Variants in NEK5 observed in about 807,000 individuals in gnomAD.
NEK5 encodes the protein serine/threonine-protein kinase Nek5.
Under a neutral mutation model 109.2 loss-of-function variants are expected in NEK5, and 88 were observed. The observed-to-expected ratio is 0.81, with a 90% CI of 0.68 to 0.96. NEK5 has a LOEUF of 0.96. Ranked by LOEUF, NEK5 falls within the 40% of genes least tolerant of loss-of-function variation. The probability of loss-of-function intolerance (pLI) is 0.00; values close to 1 mark genes in which losing one functional copy is unlikely to be tolerated. For synonymous variants in NEK5, 283 were observed against 299.9 expected, an observed-to-expected ratio of 0.94 and a Z score of 0.58; for missense variants, 834 against 920.7, an observed-to-expected ratio of 0.91 and a Z score of 1.22.
intron 23 of NEK5, among the ~76,000 whole-genome samples, chr13:52,047,109 G>T (rs745368097): frequency 3.9e-5 from 6 of 152,072 alleles, no homozygotes; most frequent in Non-Finnish European, 8.8e-5. Context: ...CTGAGCAAGA[G>T]AATGGGGAAA....
rs572070506 is a variant in NEK5 at position 52,052,849 on chromosome 13, TG to T, written c.2111-2629del. Among the ~76,000 whole-genome samples the T allele has an allele frequency of 2.6e-3, 392 of 152,322 alleles. 9 individuals carry two copies. The highest frequency in any genetic ancestry group is 0.022 in the Admixed American group (344 of 15,298). The stretch of plus-strand genomic sequence containing the variant: ...AATCTTGTCTTGACTAAACCTTGAC[TG>T]TGCCTTTTTTTTTCCAGCAAACAAT... On this transcript the variant is annotated intron_variant, in intron 22 of 23. Transcript: ENST00000684899.
intron 4 of NEK5, among the ~76,000 whole-genome samples, chr13:52,115,568 C>A (rs1955840104): frequency 7.6e-6 from 1 of 131,026 alleles, no homozygotes; most frequent in African/African-American, 2.9e-5. Context: ...TGTGCCACTG[C>A]ACTCCAGCCT....
At chr13:52,128,510 T>TTTG (rs1338709747) in intron 1 of NEK5, among the ~76,000 whole-genome samples, 2 of 152,086 alleles carry the variant, frequency 1.3e-5, no homozygotes, top group South Asian at 4.1e-4. Flanking sequence ...ATAATACAGT[T>TTTG]TTGTTGTTGT....
intron 9 of NEK5, among the ~76,000 whole-genome samples, chr13:52,102,893 CAG>C (rs1173229276): frequency 6.6e-6 from 1 of 152,136 alleles, no homozygotes; most frequent in African/African-American, 2.4e-5. Context: ...GTTATAAAGA[CAG>C]GGGAAAATAT....
intron 22 of NEK5, among the ~76,000 whole-genome samples, chr13:52,056,407 G>A (rs1167645516): frequency 6.6e-6 from 1 of 151,158 alleles, no homozygotes; most frequent in Non-Finnish European, 1.5e-5. Context: ...AAATCAACAA[G>A]GATACCCAGG....
intron 23 of NEK5, among the ~76,000 whole-genome samples, chr13:52,048,146 C>G (rs1954474648): frequency 6.6e-6 from 1 of 152,136 alleles, no homozygotes; most frequent in Admixed American, 6.6e-5. Flanking sequence ...ATTAAATGCT[C>G]CCAACACACA....
intron 22 of NEK5, among the ~76,000 whole-genome samples, chr13:52,053,688 A>C (rs2137701859): frequency 6.6e-6 from 1 of 152,340 alleles, no homozygotes; most frequent in Admixed American, 6.5e-5. Flanking sequence ...CCAATTCACC[A>C]GATGGGGCAA....
intron 13 of NEK5, among the ~76,000 whole-genome samples, chr13:52,092,486 A>T (rs1955307285): frequency 6.6e-6 from 1 of 151,782 alleles, no homozygotes; most frequent in South Asian, 2.1e-4. Flanking sequence ...GCACTTTAGG[A>T]GGCCAAGGCA....
At position 52,065,152 on chromosome 13, in the gene NEK5, T is replaced by C. The variant is rs184096862; in HGVS notation, c.1975+332A>G. The C allele has an allele frequency of 5.2e-3, 2,069 of 396,146 alleles. 17 individuals are homozygous for C. The highest frequency in any genetic ancestry group is 0.01 in the Middle Eastern group (14 of 1,392). The allele number at this position is 396,146 out of a possible 1,614,324, so 24.5% of individuals were successfully genotyped here. On this transcript the variant is annotated intron_variant, in intron 21 of 23. Transcript: ENST00000684899. ...AAAATTAAAAAAAAAAAAATGACCC[T>C]ATGAAATCGCAAAAAAAGTTGTTGA...
intron 13 of NEK5, among the ~76,000 whole-genome samples, chr13:52,092,533 G>C (rs762901633): frequency 6.6e-6 from 1 of 151,924 alleles, no homozygotes; most frequent in African/African-American, 2.4e-5. Context: ...CCTGGTGAGA[G>C]GGTACCTGAG....
intron 1 of NEK5, among the ~76,000 whole-genome samples, chr13:52,127,879 C>T (rs1594014391): frequency 6.6e-6 from 1 of 152,196 alleles, no homozygotes; most frequent in Non-Finnish European, 1.5e-5. Flanking sequence ...TGTCCTTAGG[C>T]TTGTGCACTT....
At chr13:52,127,530 T>C (rs535361162) in intron 2 of NEK5, 26 bp from the exon 3 acceptor site, 5 of 990,804 alleles carry the variant, frequency 5.0e-6, no homozygotes, top group Non-Finnish European at 8.1e-6. Context: ...TGTAAATTTA[T>C]CACACACGTC....
At chr13:52,105,650 C>T (rs1335223504) in intron 8 of NEK5, among the ~76,000 whole-genome samples, 2 of 152,142 alleles carry the variant, frequency 1.3e-5, no homozygotes, top group African/African-American at 4.8e-5. Context: ...CCCTCTGCAG[C>T]CAGGGCAGAG....
intron 4 of NEK5, among the ~76,000 whole-genome samples, chr13:52,113,788 G>C (rs1955801078): frequency 6.6e-6 from 1 of 152,158 alleles, no homozygotes; most frequent in South Asian, 2.1e-4. Flanking sequence ...AGGAGGTATA[G>C]GGCTTTTGGA....
At chr13:52,116,239 T>C (rs1037884978) in intron 4 of NEK5, among the ~76,000 whole-genome samples, 1 of 152,020 alleles carries the variant, frequency 6.6e-6, no homozygotes, top group African/African-American at 2.4e-5. Flanking sequence ...TCCAATCACT[T>C]GCTGTAGACC....
intron 11 of NEK5, 52 bp from the exon 12 acceptor site, chr13:52,099,928 T>C (rs373483045): frequency 1.5e-6 from 2 of 1,327,114 alleles, no homozygotes; most frequent in Admixed American, 1.7e-5. Flanking sequence ...TGTACACCAT[T>C]AATACTGATA....
At chr13:52,062,188 C>T (rs927591577) in intron 21 of NEK5, 1 of 152,070 alleles carries the variant, frequency 6.6e-6, no homozygotes, top group Admixed American at 6.6e-5. Context: ...TTCTATTTGC[C>T]TATTTTAAAT....
chr13:52,101,868 G>T, intron 11 of NEK5, 65 bp downstream of exon 11: 2 of 1,263,798 alleles, frequency 1.6e-6, no homozygotes, highest in Non-Finnish European at 1.2e-6. Flanking sequence ...AAATTTCCTT[G>T]CATTACTCTC....
intron 22 of NEK5, among the ~76,000 whole-genome samples, chr13:52,060,192 C>T (rs962018038): frequency 1.3e-5 from 2 of 151,864 alleles, no homozygotes; most frequent in Non-Finnish European, 2.9e-5. Flanking sequence ...TTCAGAGAAA[C>T]AAAGATACTT....
Sources: gnomAD v4.1 joint callset for allele counts (sites outside exome capture counted in the v4.1 genomes callset) on GRCh38, gnomAD v4.1.1 for gene constraint, MANE v1.5 for transcripts, NCBI Gene and HGNC (gene_info 2026-07-23, HGNC 2026-07-21) for gene names.